The following STAG1 variants were observed in gnomAD, a reference collection of about 807,000 sequenced individuals.
The protein encoded by STAG1 is cohesin subunit SA-1.
A neutral mutation model predicts 170.9 loss-of-function variants in STAG1; 26 were observed. That is an observed-to-expected ratio of 0.15 (90% CI 0.11 to 0.21). STAG1 has a LOEUF of 0.21. Among genes scored for constraint, STAG1 ranks in the 10% least tolerant of loss-of-function variants. The probability of loss-of-function intolerance (pLI) is 1.00; values close to 1 mark genes in which losing one functional copy is unlikely to be tolerated. For synonymous variants in STAG1, 514 were observed against 497.7 expected (o/e 1.03, Z -0.44); for missense variants, 964 against 1,509.5 (o/e 0.64, Z 5.99).
intron 1 of STAG1, among the ~76,000 whole-genome samples, chr3:136,698,645 G>C (rs557877942): frequency 3.3e-5 from 5 of 152,194 alleles, no homozygotes; most frequent in African/African-American, 1.2e-4. Flanking sequence ...GCTGGGTAAA[G>C]GTAAAGAAGC....
At chr3:136,534,569 G>A (rs899826399) in intron 6 of STAG1, among the ~76,000 whole-genome samples, 2 of 151,548 alleles carry the variant, frequency 1.3e-5, no homozygotes, top group East Asian at 1.9e-4. Flanking sequence ...AAACATAATC[G>A]CATTAAAAAG....
chr3:136,548,537 T>G (rs972810870), intron 5 of STAG1, among the ~76,000 whole-genome samples: 2 of 152,204 alleles, frequency 1.3e-5, no homozygotes, highest in Admixed American at 1.3e-4. Flanking sequence ...CCATATGAAG[T>G]TCAGAATTTT....
chr3:136,477,933 G>A (rs2089796518), intron 9 of STAG1, among the ~76,000 whole-genome samples: 1 of 152,096 alleles, frequency 6.6e-6, no homozygotes, highest in Non-Finnish European at 1.5e-5. Context: ...GAGACTACAG[G>A]TGCAAGCCAC....
intron 5 of STAG1, among the ~76,000 whole-genome samples, chr3:136,562,904 G>A (rs1936903108): frequency 6.6e-6 from 1 of 152,090 alleles, no homozygotes; most frequent in Non-Finnish European, 1.5e-5. Context: ...ACTATTTCAT[G>A]ACACTGACTT....
At chr3:136,728,514 A>G (rs1281435518) in intron 1 of STAG1, among the ~76,000 whole-genome samples, 7 of 152,174 alleles carry the variant, frequency 4.6e-5, no homozygotes, top group Non-Finnish European at 7.4e-5. Context: ...TTTCATCTGT[A>G]AAGAGACTTA....
At chr3:136,541,915 G>T (rs1025097678) in intron 6 of STAG1, among the ~76,000 whole-genome samples, 1 of 152,050 alleles carries the variant, frequency 6.6e-6, no homozygotes. Context: ...TAGCCTGCCA[G>T]TAATTATTCA....
chr3:136,506,476 CAAAAA>C (rs11414654), intron 7 of STAG1, among the ~76,000 whole-genome samples: 4 of 85,344 alleles, frequency 4.7e-5, no homozygotes, highest in Admixed American at 1.4e-4. Flanking sequence ...ACTAAAAATA[CAAAAA>C]AAAAAAAAAA....
intron 1 of STAG1, among the ~76,000 whole-genome samples, chr3:136,751,804 CGGGCGGGGGGGGGCGGA>C (rs966722973): frequency 1.7e-5 from 2 of 121,068 alleles, no homozygotes; most frequent in African/African-American, 3.8e-5. Flanking sequence ...CCCGAGAGCC[CGGGCGGGGGGGGGCGGA>C]GGGCGGGCTT....
intron 3 of STAG1, among the ~76,000 whole-genome samples, chr3:136,619,929 G>A (rs1939771883): frequency 1.3e-5 from 2 of 151,914 alleles, no homozygotes; most frequent in African/African-American, 4.8e-5. Flanking sequence ...CATGCGTGGT[G>A]GCGTGCGTCT....
intron 1 of STAG1, among the ~76,000 whole-genome samples, chr3:136,702,669 A>G (rs1208761352): frequency 1.3e-5 from 2 of 152,154 alleles, no homozygotes; most frequent in African/African-American, 2.4e-5. Context: ...TACAGGAGTG[A>G]GCCACCATGC....
At chr3:136,467,026 C>T (rs1423959677) in intron 12 of STAG1, among the ~76,000 whole-genome samples, 1 of 152,154 alleles carries the variant, frequency 6.6e-6, no homozygotes, top group East Asian at 1.9e-4. Flanking sequence ...AAAGGAACAA[C>T]CAGTACCAGC....
rs766600318 is a variant in STAG1 at position 136,422,374 on chromosome 3, A to G, written c.2037+36T>C. On this transcript the variant is annotated intron_variant, in intron 19 of 33. Transcript: ENST00000383202. ...AGCTATCTTAAGTAATTCTCAGTCA[A>G]TATTATTATATGTACACATTAACTT... is the stretch of plus-strand genomic sequence containing the variant. The G allele has an allele frequency of 5.1e-6, 8 of 1,571,292 alleles. No homozygotes were observed. The Admixed American group carries it at 6.8e-5, about 13-fold the overall frequency.
intron 1 of STAG1, among the ~76,000 whole-genome samples, chr3:136,733,483 T>C (rs1934158752): frequency 6.6e-6 from 1 of 152,222 alleles, no homozygotes; most frequent in Non-Finnish European, 1.5e-5. Flanking sequence ...GGAATACTTT[T>C]ATTATTATTC....
chr3:136,689,003 A>G (rs1942630755), intron 1 of STAG1, among the ~76,000 whole-genome samples: 1 of 152,222 alleles, frequency 6.6e-6, no homozygotes, highest in Non-Finnish European at 1.5e-5. Context: ...AAAATCCTGT[A>G]AAATTTGCCA....
intron 16 of STAG1, among the ~76,000 whole-genome samples, chr3:136,424,845 T>C (rs978494809): frequency 2.6e-5 from 4 of 152,110 alleles, no homozygotes; most frequent in African/African-American, 9.7e-5. Context: ...ATAAGATTAT[T>C]CATTATTTCT....
At chr3:136,428,330 C>A (rs1029336363) in intron 16 of STAG1, among the ~76,000 whole-genome samples, 2 of 152,190 alleles carry the variant, frequency 1.3e-5, no homozygotes, top group Admixed American at 1.3e-4. Context: ...GACCCCTTTT[C>A]TGGATTGGTT....
chr3:136,646,603 C>A (rs1211296208), intron 1 of STAG1, among the ~76,000 whole-genome samples: 1 of 152,080 alleles, frequency 6.6e-6, no homozygotes, highest in Non-Finnish European at 1.5e-5. Context: ...TGTTCCATAG[C>A]ACTATAAGAT....
intron 6 of STAG1, among the ~76,000 whole-genome samples, chr3:136,536,906 A>G (rs1196512911): frequency 6.6e-6 from 1 of 152,152 alleles, no homozygotes; most frequent in African/African-American, 2.4e-5. Context: ...AGTATATGTA[A>G]AGCACTTAAC....
intron 9 of STAG1, among the ~76,000 whole-genome samples, chr3:136,477,988 T>G (rs1286447755): frequency 6.6e-6 from 1 of 151,860 alleles, no homozygotes; most frequent in Non-Finnish European, 1.5e-5. Context: ...TGGGGTTTCA[T>G]CATATTGGCC....
Sources: allele counts gnomAD v4.1 joint callset (sites outside exome capture counted in the v4.1 genomes callset), GRCh38; gene constraint gnomAD v4.1.1; transcripts MANE v1.5; gene names NCBI Gene and HGNC (gene_info 2026-07-23, HGNC 2026-07-21).